Variants in SLC40A1 observed in about 807,000 individuals in gnomAD.
SLC40A1 encodes ferroportin.
In SLC40A1, 16 loss-of-function variants were observed where a neutral mutation model predicts 53.5. The ratio of observed to expected loss-of-function variants is 0.30; its 90% CI spans 0.20 to 0.45. SLC40A1 has a LOEUF of 0.45. SLC40A1 is among the 20% of genes least tolerant of loss of function. SLC40A1 has a pLI of 1.00. For synonymous variants in SLC40A1, 247 were observed against 253.2 expected, an observed-to-expected ratio of 0.98 and a Z score of 0.23; for missense variants, 545 against 695.4, an observed-to-expected ratio of 0.78 and a Z score of 2.43.
intron 5 of SLC40A1, among the ~76,000 whole-genome samples, chr2:189,568,760 A>C (rs1486965172): frequency 6.6e-6 from 1 of 152,260 alleles, no homozygotes; most frequent in Non-Finnish European, 1.5e-5. Flanking sequence ...TTCATATATG[A>C]AATCGATTTT....
chr2:189,576,514 G>A (rs972347172), intron 2 of SLC40A1, among the ~76,000 whole-genome samples: 1 of 152,136 alleles, frequency 6.6e-6, no homozygotes, highest in African/African-American at 2.4e-5. Context: ...AGATGACTTT[G>A]CTTCTCCTAC....
chr2:189,563,161 G>C (rs1262653027), intron 7 of SLC40A1, among the ~76,000 whole-genome samples: 1 of 151,682 alleles, frequency 6.6e-6, no homozygotes, highest in Non-Finnish European at 1.5e-5. Flanking sequence ...TGTAGTCCCA[G>C]CTACTTGGGG....
At chr2:189,570,726 T>C (rs1047564128) in intron 5 of SLC40A1, among the ~76,000 whole-genome samples, 1 of 152,212 alleles carries the variant, frequency 6.6e-6, no homozygotes, top group African/African-American at 2.4e-5. Flanking sequence ...TCTCCTTCAC[T>C]CACCCCTCCT....
intron 5 of SLC40A1, among the ~76,000 whole-genome samples, chr2:189,571,399 C>T (rs1277837065): frequency 2.0e-5 from 3 of 150,652 alleles, no homozygotes; most frequent in Admixed American, 2.0e-4. Context: ...GTCAGATTTG[C>T]ACTGTTCTAA....
Position 189,564,025 on chromosome 2 carries a change from C to G in SLC40A1, c.961G>C (p.Val321Leu), listed in dbSNP as rs2030846486. ...GTGGTGATGCAGTCAAAGCCCAGGA[C>G]AGTCATATAAAGGAAAGCAAGACCC... is the stretch of plus-strand genomic sequence containing the variant. ...GMGLAFLYMTVLGFDCITTGY... is the reference protein window; with the variant it reads ...GMGLAFLYMTLLGFDCITTGY... The change falls in exon 7 of 8, where the codon GTC becomes CTC. Residue 321 changes from valine to leucine, a missense_variant. This residue lies in a region of SLC40A1 where 7 missense variants were observed against 26.7 expected (regional missense o/e 0.26). Coordinates refer to ENST00000261024, the MANE Select transcript of SLC40A1 (RefSeq NM_014585.6). 1 of 1,613,966 alleles carries G rather than the reference C, an allele frequency of 6.2e-7. No individual in the cohort carries two copies.
intron 3 of SLC40A1, 122 bp from the exon 4 acceptor site, chr2:189,573,083 A>G: frequency 1.3e-6 from 1 of 776,164 alleles, no homozygotes; most frequent in South Asian, 1.5e-5. Flanking sequence ...TACCAGATAA[A>G]AAGAAAACCT....
intron 2 of SLC40A1, among the ~76,000 whole-genome samples, chr2:189,576,467 CA>C (rs141994767): frequency 1.2e-3 from 183 of 152,184 alleles, no homozygotes; most frequent in Admixed American, 2.0e-3. Flanking sequence ...CAATCATTTA[CA>C]AAAAAACTTC....
intron 6 of SLC40A1, among the ~76,000 whole-genome samples, chr2:189,564,445 CCT>C (rs2030862087): frequency 6.6e-6 from 1 of 151,742 alleles, no homozygotes; most frequent in Admixed American, 6.6e-5. Flanking sequence ...TTGATCTATC[CCT>C]CTTTTTTTTC....
intron 7 of SLC40A1, 110 bp from the exon 8 acceptor site, chr2:189,562,301 T>TCAGG: frequency 2.4e-6 from 2 of 819,008 alleles, no homozygotes; most frequent in Non-Finnish European, 3.9e-6. Context: ...AGCCTGACTG[T>TCAGG]CTTTAAGTCA....
rs1419607790 is a variant in SLC40A1, at chr2:189,580,556, A to G, written c.-96T>C. The G allele has an allele frequency of 1.9e-6, 3 of 1,603,566 alleles. No individual in the cohort carries two copies. Among genetic ancestry groups the G allele is most frequent in the Admixed American group, 3.4e-5 (2 of 59,488 alleles). On this transcript the variant is annotated 5_prime_UTR_variant, in exon 1 of 8. Coordinates refer to ENST00000261024, the MANE Select transcript of SLC40A1 (RefSeq NM_014585.6). ...AACAGGAGTGCAAGGAACTGGAGAT[A>G]GCACCTCTAAAAACACAACAGCCTT... is the stretch of plus-strand genomic sequence containing the variant.
Position 189,565,552 on chromosome 2 carries a change from C to T in SLC40A1, c.562G>A (p.Ala188Thr). The T allele has an allele frequency of 1.1e-5, 17 of 1,614,212 alleles. No homozygotes were observed. Among genetic ancestry groups the T allele is most frequent in the Non-Finnish European group, 1.4e-5 (17 of 1,180,034 alleles). The change falls in exon 6 of 8, where the codon GCC becomes ACC. Residue 188 changes from alanine (A) to threonine (T), a missense_variant. By Grantham distance (58) the Ala-to-Thr change is moderately conservative. This residue lies in a region of SLC40A1 where 197 missense variants were observed against 278.8 expected (regional missense o/e 0.71). Transcript: ENST00000261024. ...RRIDQLTNIL[A>T]PMAVGQIMTF... ...ATAATCTGGCCAACAGCCATGGGGG[C>T]TAAGATGTTGGTTAACTGGTCAATC...
In SLC40A1 at chr2:189,572,442, C is replaced by T. The variant is rs2031159213; in HGVS notation, c.387+404G>A. 6 of 288,068 alleles carry T rather than the reference C, an allele frequency of 2.1e-5. No homozygotes were observed. The South Asian group carries it at 2.1e-4, about 10-fold the overall frequency. The allele number at this position is 288,068 out of a possible 1,614,324, so 17.8% of individuals were successfully genotyped here. ...CCATCAAGCTCTTATGAAATCACAACATGAAAAGTTATCTGGTTGACATTC... is the reference window on the plus strand; with the variant it reads ...CCATCAAGCTCTTATGAAATCACAATATGAAAAGTTATCTGGTTGACATTC... On this transcript the variant is annotated intron_variant, in intron 4 of 7. Transcript: ENST00000261024.
At chr2:189,571,875 G>A in intron 4 of SLC40A1, 34 bp from the exon 5 acceptor site, 1 of 1,384,204 alleles carries the variant, frequency 7.2e-7, no homozygotes, top group Non-Finnish European at 1.0e-6. Context: ...GAGTTATAAT[G>A]TCAGTTTACC....
Position 189,575,270 on chromosome 2 carries a change from A to G in SLC40A1, c.162T>C (p.Tyr54=). 1 of 1,614,132 alleles carries G rather than the reference A, an allele frequency of 6.2e-7. No individual in the cohort carries two copies. Among genetic ancestry groups the G allele is most frequent in the South Asian group, 1.1e-5 (1 of 91,082 alleles). Residue 54 remains tyrosine, a synonymous_variant, in exon 3 of 8, where the codon TAT becomes TAC. Coordinates refer to ENST00000261024, the MANE Select transcript of SLC40A1 (RefSeq NM_014585.6). ...FAVSVFLVEL[Y]GNSLLLTAVY... ...CTGCTGTCAAAAGGAGGCTGTTTCC[A>G]TAGAGCTCTACCAGAAACACAGACA...
At chr2:189,572,063 A>C (rs1490222306) in intron 4 of SLC40A1, among the ~76,000 whole-genome samples, 2 of 152,128 alleles carry the variant, frequency 1.3e-5, no homozygotes, top group African/African-American at 4.8e-5. Context: ...CATCTGTAGT[A>C]CACATAATAC....
chr2:189,569,675 C>T (rs1357137191), intron 5 of SLC40A1, among the ~76,000 whole-genome samples: 1 of 152,170 alleles, frequency 6.6e-6, no homozygotes, highest in African/African-American at 2.4e-5. Context: ...ACTAGTCCAC[C>T]AGCCCACACT....
Position 189,571,851 on chromosome 2 carries a change from G to T in SLC40A1, c.388-10C>A. 2 of 1,582,812 alleles carry T rather than the reference G, an allele frequency of 1.3e-6. No individual in the cohort carries two copies. The highest frequency in any genetic ancestry group is 1.1e-5 in the South Asian group (1 of 90,318). On this transcript the variant is annotated splice_polypyrimidine_tract_variant and intron_variant, in intron 4 of 7. Coordinates refer to ENST00000261024, the MANE Select transcript of SLC40A1 (RefSeq NM_014585.6). ...GGATATAGCAGGAAGTCTAAAGAAT[G>T]ACAAGAAAAAAATGAGTTATAATGT...
At chr2:189,571,199 T>C (rs2031113993) in intron 5 of SLC40A1, among the ~76,000 whole-genome samples, 1 of 152,176 alleles carries the variant, frequency 6.6e-6, no homozygotes, top group African/African-American at 2.4e-5. Flanking sequence ...ATTTCTTTGG[T>C]ATTTGTAACA....
At chr2:189,573,657 G>C (rs189220423) in intron 3 of SLC40A1, among the ~76,000 whole-genome samples, 1 of 152,146 alleles carries the variant, frequency 6.6e-6, no homozygotes, top group Non-Finnish European at 1.5e-5. Flanking sequence ...TTACGCCTGC[G>C]TCTAGAAGGT....
Sources: allele counts gnomAD v4.1 joint callset (sites outside exome capture counted in the v4.1 genomes callset), GRCh38; gene constraint gnomAD v4.1.1; regional missense constraint gnomAD v4.1.1; transcripts MANE v1.5; gene names NCBI Gene and HGNC (gene_info 2026-07-23, HGNC 2026-07-21).